Variants in PITPNM2 observed in about 807,000 individuals in gnomAD.
The protein encoded by PITPNM2 is membrane-associated phosphatidylinositol transfer protein 2.
A neutral mutation model predicts 132.2 loss-of-function variants in PITPNM2; 35 were observed. The ratio of observed to expected loss-of-function variants is 0.26; its 90% CI spans 0.20 to 0.35. The LOEUF is 0.35. Among genes scored for constraint, PITPNM2 ranks in the 10% least tolerant of loss-of-function variants. The pLI, the probability that PITPNM2 is intolerant of heterozygous loss-of-function variation, is 1.00. For missense variants in PITPNM2, 1,332 were observed against 1,912.0 expected, an observed-to-expected ratio of 0.70 and a Z score of 5.66; for synonymous variants, 738 against 799.2, an observed-to-expected ratio of 0.92 and a Z score of 1.29.
chr12:122,996,277 T>C (rs2038421512), intron 13 of PITPNM2, among the ~76,000 whole-genome samples, 181 bp downstream of exon 13: 1 of 152,194 alleles, frequency 6.6e-6, no homozygotes, highest in African/African-American at 2.4e-5. Flanking sequence ...TGGAAAATGT[T>C]TGTTGAATGA....
Position 123,121,134 on chromosome 12 carries a change from G to A in PITPNM2, c.-199-10646C>T, listed in dbSNP as rs548163088. 3.9e-5 allele frequency among the ~76,000 whole-genome samples: 6 copies of A among 152,350 alleles called. No individual in the cohort carries two copies. The South Asian group carries it at 1.2e-3, about 32-fold the overall frequency. On this transcript the variant is annotated intron_variant, in intron 1 of 25. Coordinates refer to ENST00000320201, the MANE Select transcript of PITPNM2 (RefSeq NM_020845.3). ...TCTGCTGACTCCCAAACCCCAGTGA[G>A]CAGGTCAGCGCCAGGCCTGGCCAAG...
At chr12:123,129,123 C>T (rs895662571) in intron 1 of PITPNM2, among the ~76,000 whole-genome samples, 1 of 149,856 alleles carries the variant, frequency 6.7e-6, no homozygotes, top group Admixed American at 6.6e-5. Flanking sequence ...GCAACAAAAG[C>T]GAAACTCAAT....
chr12:123,134,484 A>G lies in PITPNM2; in HGVS notation c.-200+16269T>C, dbSNP rs1373282562. 2.0e-5 allele frequency among the ~76,000 whole-genome samples: 3 copies of G among 152,264 alleles called. No individual in the cohort carries two copies. In the South Asian group the frequency reaches 6.2e-4, roughly 32 times the overall value. ...AGGGTCCTGGACAAATGGGCTTCGC[A>G]TGAGTCAGTGCCAGGAAGCCCTCCA... On this transcript the variant is annotated intron_variant, in intron 1 of 25. Transcript: ENST00000320201.
intron 2 of PITPNM2, among the ~76,000 whole-genome samples, chr12:123,050,517 A>G (rs951815737): frequency 1.3e-5 from 2 of 152,190 alleles, no homozygotes; most frequent in African/African-American, 4.8e-5. Flanking sequence ...CAGGAAACCC[A>G]GGCGTCTTAG....
intron 1 of PITPNM2, among the ~76,000 whole-genome samples, chr12:123,124,491 G>A (rs1340206448): frequency 1.3e-5 from 2 of 152,046 alleles, no homozygotes; most frequent in African/African-American, 4.8e-5. Flanking sequence ...TCTGAAAGAG[G>A]ACACACACAC....
chr12:123,066,490 C>T (rs533915390), intron 2 of PITPNM2, among the ~76,000 whole-genome samples: 13 of 152,258 alleles, frequency 8.5e-5, no homozygotes, highest in African/African-American at 3.1e-4. Flanking sequence ...TGGAGTGAGT[C>T]CGTGACCTCA....
In PITPNM2 at chr12:123,012,659, G is replaced by A. The variant is rs776857510; in HGVS notation, c.369C>T (p.Pro123=). The A allele has an allele frequency of 2.1e-5, 34 of 1,613,992 alleles. No homozygotes were observed. The highest frequency in any genetic ancestry group is 1.0e-4 in the Admixed American group (6 of 60,006). ...TFYKTDAGEN[P]DVFNLSPVEK... is the part of the protein sequence containing the mutation. ...CCACAGGAGAGAGGTTGAACACGTC[G>A]GGGTTTTCTCCAGCATCAGTTTTAT... is the stretch of plus-strand genomic sequence containing the variant. The change falls in exon 5 of 26, where the codon CCC becomes CCT. Residue 123 remains proline, a synonymous_variant. Coordinates refer to ENST00000320201, the MANE Select transcript of PITPNM2 (RefSeq NM_020845.3).
intron 2 of PITPNM2, among the ~76,000 whole-genome samples, chr12:123,070,580 C>G (rs983960686): frequency 1.3e-5 from 2 of 152,236 alleles, no homozygotes; most frequent in Non-Finnish European, 2.9e-5. Flanking sequence ...GATGTCCCCC[C>G]TCCCAGCTCC....
chr12:123,084,263 T>C (rs762019686), intron 2 of PITPNM2: 3 of 152,264 alleles, frequency 2.0e-5, no homozygotes, highest in East Asian at 1.9e-4. Flanking sequence ...CCCACAGATA[T>C]GAAAAACATT....
At chr12:122,995,295 C>T (rs2038375470) in intron 14 of PITPNM2, 94 bp downstream of exon 14, 10 of 1,484,288 alleles carry the variant, frequency 6.7e-6, no homozygotes, top group East Asian at 4.6e-5. Context: ...GCAGACAGCC[C>T]GGGTCTCCTG....
At chr12:123,144,501 G>A (rs1467378463) in intron 1 of PITPNM2, among the ~76,000 whole-genome samples, 2 of 152,136 alleles carry the variant, frequency 1.3e-5, no homozygotes, top group African/African-American at 4.8e-5. Context: ...GCACGATCTC[G>A]GCTCACTGCA....
At chr12:123,012,008 T>C (rs1030048236) in intron 5 of PITPNM2, among the ~76,000 whole-genome samples, 4 of 152,212 alleles carry the variant, frequency 2.6e-5, no homozygotes, top group Non-Finnish European at 5.9e-5. Context: ...GCCTCCACAG[T>C]GACTTGGGCC....
In PITPNM2 at chr12:123,036,111, A is replaced by C. The variant is rs972054593; in HGVS notation, c.-95-1426T>G. 2.0e-5 allele frequency among the ~76,000 whole-genome samples: 3 copies of C among 152,208 alleles called. No individual in the cohort carries two copies. The highest frequency in any genetic ancestry group is 4.4e-5 in the Non-Finnish European group (3 of 68,036). On this transcript the variant is annotated intron_variant, in intron 2 of 25. Transcript: ENST00000320201. The surrounding 1 kb of genome is among the most constrained non-coding windows in gnomAD (Gnocchi z 4.1). ...ATGGGCAGGACTCCTGCTAAGTGAT[A>C]AAAGCAAGGGCCTGGCCAGTCAGGC...
At position 123,000,351 on chromosome 12, in the gene PITPNM2, G is replaced by T. The variant is rs898815580; in HGVS notation, c.1224+427C>A. On this transcript the variant is annotated intron_variant, in intron 10 of 25. Transcript: ENST00000320201. This position sits in a 1 kb window ranked among gnomAD's most constrained non-coding sequence, Gnocchi z 5.4. The stretch of plus-strand genomic sequence containing the variant: ...ACACACTGAGCTCCGCCTGCCTCCC[G>T]CGGGGCCATCTTGTCGGCCACGGCC... 3 of 698,058 alleles carry T rather than the reference G, an allele frequency of 4.3e-6. No homozygotes were observed. Among genetic ancestry groups the T allele is most frequent in the Non-Finnish European group, 7.8e-6 (3 of 383,164 alleles). The allele number at this position is 698,058 out of a possible 1,614,324, so 43.2% of individuals were successfully genotyped here.
chr12:123,119,596 G>A (rs777220235), intron 1 of PITPNM2, among the ~76,000 whole-genome samples: 13 of 151,708 alleles, frequency 8.6e-5, no homozygotes, highest in Non-Finnish European at 1.9e-4. Flanking sequence ...CTGACCTCGT[G>A]ATCCGCCCGC....
intron 2 of PITPNM2, among the ~76,000 whole-genome samples, chr12:123,049,887 G>A (rs1263056816): frequency 2.6e-5 from 4 of 152,348 alleles, no homozygotes; most frequent in Non-Finnish European, 5.9e-5. Context: ...ACTCAAGAAG[G>A]GTAATTGGCA....
intron 3 of PITPNM2, among the ~76,000 whole-genome samples, chr12:123,017,154 T>C (rs1221350208): frequency 6.6e-6 from 1 of 151,940 alleles, no homozygotes; most frequent in Non-Finnish European, 1.5e-5. Flanking sequence ...GTGGATCACT[T>C]GAAGTCGGGA....
chr12:123,118,822 A>G (rs2042979584), intron 1 of PITPNM2, among the ~76,000 whole-genome samples: 2 of 152,344 alleles, frequency 1.3e-5, no homozygotes, highest in Middle Eastern at 6.8e-3. Flanking sequence ...ATAATGATGG[A>G]AAATATTTAC....
intron 1 of PITPNM2, among the ~76,000 whole-genome samples, chr12:123,127,986 G>A (rs1439633907): frequency 1.3e-5 from 2 of 151,980 alleles, no homozygotes; most frequent in Non-Finnish European, 2.9e-5. Flanking sequence ...AGGCATGCTT[G>A]TCTTGCAACA....
Sources: allele counts gnomAD v4.1 joint callset (sites outside exome capture counted in the v4.1 genomes callset), GRCh38; gene constraint gnomAD v4.1.1; non-coding constraint Gnocchi (gnomAD v3.1); transcripts MANE v1.5; gene names NCBI Gene and HGNC (gene_info 2026-07-23, HGNC 2026-07-21).